The following NIPSNAP3B variants were observed in gnomAD, a reference collection of about 807,000 sequenced individuals.
The protein encoded by NIPSNAP3B is nipsnap homolog 3B.
A neutral mutation model predicts 31.5 loss-of-function variants in NIPSNAP3B; 30 were observed. The ratio of observed to expected loss-of-function variants is 0.95; its 90% CI spans 0.71 to 1.29. The LOEUF (loss-of-function observed/expected upper bound fraction) is 1.29, where lower values mean the gene tolerates loss of function less well. NIPSNAP3B is among the 50% of genes most tolerant of loss of function. The probability of loss-of-function intolerance (pLI) is 0.00; values close to 1 mark genes in which losing one functional copy is unlikely to be tolerated. For synonymous variants in NIPSNAP3B, 106 were observed against 107.9 expected (o/e 0.98, Z 0.11); for missense variants, 269 against 300.7 (o/e 0.89, Z 0.78).
At chr9:104,784,185 G>T in the NIPSNAP3B span, 1 of 1,175,210 alleles carries the variant, frequency 8.5e-7, no homozygotes, top group Non-Finnish European at 1.2e-6. Context: ...GCATTGAATA[G>T]TATCAGTACA....
At chr9:104,780,161 A>T (rs983136443), downstream of NIPSNAP3B, among the ~76,000 whole-genome samples, 3 of 152,172 alleles carry the variant, frequency 2.0e-5, no homozygotes, top group Admixed American at 2.0e-4. Context: ...GTGTTCTATG[A>T]TTTCATTAAA....
rs773290521 is a variant in NIPSNAP3B at position 104,768,934 on chromosome 9, A to G, written c.343A>G (p.Ile115Val). Residue 115 changes from isoleucine to valine, a missense_variant, in exon 3 of 6, where the codon ATT becomes GTT. By Grantham distance (29) the Ile-to-Val change is conservative. Coordinates refer to ENST00000374762, the MANE Select transcript of NIPSNAP3B (RefSeq NM_018376.4). The part of the protein sequence containing the change: ...NCKEWQEQSI[I>V]PNLARIDKQE... ...TAAGGAATGGCAAGAACAATCTATC[A>G]TTCCAAATTTGGCTCGCATTGATAA... The G allele has an allele frequency of 5.0e-6, 8 of 1,613,870 alleles. No homozygotes were observed. The highest frequency in any genetic ancestry group is 1.6e-4 in the Middle Eastern group (1 of 6,084).
At chr9:104,790,469 A>G in the NIPSNAP3B span, among the ~76,000 whole-genome samples, 4 of 152,228 alleles carry the variant, frequency 2.6e-5, no homozygotes, top group African/African-American at 4.8e-5. Flanking sequence ...CCACTGGGAA[A>G]TATTCATAAT....
At chr9:104,781,008 T>TAGAC (rs1428100390), downstream of NIPSNAP3B, 15 of 152,660 alleles carry the variant, frequency 9.8e-5, no homozygotes, top group African/African-American at 3.6e-4. Flanking sequence ...TAAATTTCTG[T>TAGAC]AGACCAACAG....
chr9:104,788,618 G>A, the NIPSNAP3B span: 1 of 1,603,476 alleles, frequency 6.2e-7, no homozygotes, highest in Non-Finnish European at 8.5e-7. Flanking sequence ...GAGATACTCT[G>A]GTTAGACAAT....
At chr9:104,771,763 C>G (rs1177685209) in intron 4 of NIPSNAP3B, among the ~76,000 whole-genome samples, 1 of 152,086 alleles carries the variant, frequency 6.6e-6, no homozygotes, top group Non-Finnish European at 1.5e-5. Context: ...ATTGTTGGGT[C>G]GAATGGCAGT....
At chr9:104,786,241 A>C in the NIPSNAP3B span, 1 of 1,380,290 alleles carries the variant, frequency 7.2e-7, no homozygotes, top group East Asian at 2.3e-5. Context: ...TACTCACAAA[A>C]GAATAAATAT....
At position 104,766,360 on chromosome 9, in the gene NIPSNAP3B, C is replaced by G. The variant is rs775906437; in HGVS notation, c.96C>G (p.Tyr32Ter). The G allele has an allele frequency of 6.2e-7, 1 of 1,613,496 alleles. No homozygotes were observed. ...CTTTTGCTACGGGCCCTAGACAATA[C>G]GATGGAACGTTCTATGAATTTCGTA... ...CSSFATGPRQ[Y>*]DGTFYEFRTY... Residue 32 changes from tyrosine (Y) to a stop codon, truncating the protein, a stop_gained, in exon 2 of 6, where the codon TAC (tyrosine) becomes TAG (stop). Transcript: ENST00000374762. LOFTEE classifies it high-confidence loss of function.
chr9:104,766,531 G>C lies in NIPSNAP3B; in HGVS notation c.267G>C (p.Lys89Asn). 6.2e-7 allele frequency: 1 copy of C among 1,612,352 alleles called. No individual in the cohort carries two copies. The highest frequency in any genetic ancestry group is 2.2e-5 in the East Asian group (1 of 44,808). ...CGAATAAAGTGTTTCATATTTGGAA[G>C]TATGGTAAAGAGTCATCCAGTTTTA... Reference protein sequence around the residue: ...GRTNKVFHIWKYDNFAHRAEV... With the variant: ...GRTNKVFHIWNYDNFAHRAEV... Residue 89 changes from lysine to asparagine, a missense_variant, in exon 2 of 6, where the codon AAG becomes AAC. Physicochemically the swap from Lys to Asn is moderately conservative, Grantham distance 94 (BLOSUM62 0). Coordinates refer to ENST00000374762, the MANE Select transcript of NIPSNAP3B (RefSeq NM_018376.4).
intron 4 of NIPSNAP3B, among the ~76,000 whole-genome samples, chr9:104,771,918 A>T (rs1399578747): frequency 1.3e-5 from 2 of 152,188 alleles, no homozygotes; most frequent in Admixed American, 6.5e-5. Context: ...AGTAACAGGC[A>T]TTCTGACTGG....
At chr9:104,785,407 T>C in the NIPSNAP3B span, 1 of 1,613,980 alleles carries the variant, frequency 6.2e-7, no homozygotes, top group Non-Finnish European at 8.5e-7. Context: ...TGGTCAAGTG[T>C]TGTCTGAGAA....
At position 104,777,614 on chromosome 9, in the gene NIPSNAP3B, C is replaced by A. The variant is rs1389411284; in HGVS notation, c.*4541C>A. ...CAAGTCCGTGGTGGTCATGAACCACCCAGAGTGTGTACAAGGCTCCTGCCA... is the reference window on the plus strand; with the variant it reads ...CAAGTCCGTGGTGGTCATGAACCACACAGAGTGTGTACAAGGCTCCTGCCA... On this transcript the variant is annotated 3_prime_UTR_variant, in exon 6 of 6. Transcript: ENST00000374762. Among the ~76,000 whole-genome samples, 1 of 152,096 alleles carries A rather than the reference C, an allele frequency of 6.6e-6. No individual in the cohort carries two copies. The highest frequency in any genetic ancestry group is 1.5e-5 in the Non-Finnish European group (1 of 68,000).
At chr9:104,790,327 A>G in the NIPSNAP3B span, among the ~76,000 whole-genome samples, 2 of 152,198 alleles carry the variant, frequency 1.3e-5, no homozygotes, top group Admixed American at 1.3e-4. Flanking sequence ...ATACAGGGAC[A>G]TATTTACATA....
At chr9:104,784,089 C>A in the NIPSNAP3B span, 1 of 537,180 alleles carries the variant, frequency 1.9e-6, no homozygotes, top group Non-Finnish European at 3.3e-6. Context: ...AAATTCAAGT[C>A]TTTCACTTGA....
In NIPSNAP3B at chr9:104,766,386, C is replaced by G. The variant is rs1183917513; in HGVS notation, c.122C>G (p.Thr41Ser). ...GATGGAACGTTCTATGAATTTCGTA[C>G]TTATTACCTTAAACCTTCAAATATG... ...QYDGTFYEFRTYYLKPSNMNA... is the reference protein window; with the variant it reads ...QYDGTFYEFRSYYLKPSNMNA... Residue 41 changes from threonine to serine, a missense_variant, in exon 2 of 6, where the codon ACT (threonine) becomes AGT (serine). Coordinates refer to ENST00000374762, the MANE Select transcript of NIPSNAP3B (RefSeq NM_018376.4). 3 of 1,613,632 alleles carry G rather than the reference C, an allele frequency of 1.9e-6. No individual in the cohort carries two copies.
downstream of NIPSNAP3B, among the ~76,000 whole-genome samples, chr9:104,780,187 A>ACTT (rs1404502617): frequency 6.6e-6 from 1 of 152,176 alleles, no homozygotes; most frequent in African/African-American, 2.4e-5. Context: ...TATAACATGA[A>ACTT]CTTCAAGATA....
the NIPSNAP3B span, chr9:104,788,420 C>T: frequency 6.2e-7 from 1 of 1,614,114 alleles, no homozygotes; most frequent in Non-Finnish European, 8.5e-7. Flanking sequence ...CAGGTGCCCA[C>T]AGTACCTTGC....
downstream of NIPSNAP3B, chr9:104,781,227 C>T (rs1036496797): frequency 2.0e-5 from 3 of 152,410 alleles, no homozygotes; most frequent in Admixed American, 6.6e-5. Flanking sequence ...TTACAGACAG[C>T]GTAAAGTGCT....
At chr9:104,784,258 T>C in the NIPSNAP3B span, 1 of 1,609,022 alleles carries the variant, frequency 6.2e-7, no homozygotes, top group African/African-American at 1.3e-5. Context: ...CTTCACATGG[T>C]GCAAAGGAAA....
Sources: gnomAD v4.1 joint callset for allele counts (sites outside exome capture counted in the v4.1 genomes callset) on GRCh38, gnomAD v4.1.1 for gene constraint, MANE v1.5 for transcripts, NCBI Gene and HGNC (gene_info 2026-07-23, HGNC 2026-07-21) for gene names.